The following AKAP13 variants were observed in gnomAD, a reference collection of about 807,000 sequenced individuals.
The protein encoded by AKAP13 is A-kinase anchor protein 13.
AKAP13 carries 80 observed loss-of-function variants against 264.5 expected under a neutral mutation model. The ratio of observed to expected loss-of-function variants is 0.30; its 90% confidence interval spans 0.25 to 0.36. The LOEUF (loss-of-function observed/expected upper bound fraction) is 0.36. AKAP13 is among the 10% of genes least tolerant of loss of function. AKAP13 has a pLI of 1.00. For synonymous variants in AKAP13, 1,380 were observed against 1,250.2 expected (o/e 1.10, Z -2.19); for missense variants, 3,712 against 3,435.2 (o/e 1.08, Z -2.01).
At chr15:85,603,532 C>G (rs1293633557) in intron 8 of AKAP13, among the ~76,000 whole-genome samples, 1 of 152,184 alleles carries the variant, frequency 6.6e-6, no homozygotes, top group African/African-American at 2.4e-5. Flanking sequence ...GATTCTTGCT[C>G]AAAGTAAATT....
intron 8 of AKAP13, among the ~76,000 whole-genome samples, chr15:85,607,067 CT>C (rs34949863): frequency 1.2e-3 from 163 of 141,594 alleles, no homozygotes; most frequent in Non-Finnish European, 1.1e-3. Context: ...TTCTTTTTTT[CT>C]TTTTTTTTTT....
intron 27 of AKAP13, 162 bp from the exon 28 acceptor site, chr15:85,726,897 TTAAAATC>T: frequency 1.4e-6 from 1 of 715,798 alleles, no homozygotes; most frequent in Non-Finnish European, 2.3e-6. Context: ...TCTTTTTTTG[TTAAAATC>T]TGAATGAAAT....
At chr15:85,608,163 G>A (rs2151383519) in intron 8 of AKAP13, among the ~76,000 whole-genome samples, 1 of 152,282 alleles carries the variant, frequency 6.6e-6, no homozygotes, top group Non-Finnish European at 1.5e-5. Context: ...AAAATAAGAA[G>A]TCAAGTAATT....
Position 85,741,457 on chromosome 15 carries a change from C to A in AKAP13, c.8020C>A (p.Arg2674=). 1 of 1,605,692 alleles carries A rather than the reference C, an allele frequency of 6.2e-7. No individual in the cohort carries two copies. Among genetic ancestry groups the A allele is most frequent in the Non-Finnish European group, 8.5e-7 (1 of 1,173,950 alleles). The change falls in exon 35 of 37, where the codon CGG becomes AGG. Residue 2674 remains arginine (R), a synonymous_variant. Transcript: ENST00000394518. ...GGAGCAGCTGCGCCGGGAGGCAGAG[C>A]GGCTCAGCCAGCGGCAGACAGAACG... is the stretch of plus-strand genomic sequence containing the variant. ...EQEQLRREAE[R]LSQRQTERDL... is the part of the protein sequence containing the mutation.
At chr15:85,589,278 A>T (rs181932672) in intron 8 of AKAP13, among the ~76,000 whole-genome samples, 64 of 152,294 alleles carry the variant, frequency 4.2e-4, no homozygotes, top group Non-Finnish European at 1.6e-4. Flanking sequence ...TGTGGGACAT[A>T]TGGTCTCTTA....
chr15:85,640,134 C>A (rs372395166), intron 9 of AKAP13, among the ~76,000 whole-genome samples: 2 of 152,170 alleles, frequency 1.3e-5, no homozygotes, highest in African/African-American at 2.4e-5. Flanking sequence ...AAAGTATGTT[C>A]CCTAATGTCT....
In AKAP13 at chr15:85,710,582, C is replaced by T. The variant is rs112971613; in HGVS notation, c.5536C>T (p.Pro1846Ser). 1,228 of 1,613,892 alleles carry T rather than the reference C, an allele frequency of 7.6e-4. 6 individuals carry two copies. The highest frequency in any genetic ancestry group is 4.6e-3 in the Middle Eastern group (28 of 6,060). The change falls in exon 19 of 37, where the codon CCC becomes TCC. Residue 1846 changes from proline to serine, a missense_variant. Physicochemically the swap from Pro to Ser is moderately conservative, Grantham distance 74. This residue lies in a region of AKAP13 where 2,759 missense variants were observed against 2,411.7 expected (regional missense o/e 1.14). Coordinates refer to ENST00000394518, the MANE Select transcript of AKAP13 (RefSeq NM_007200.5). ...GACTTACTTTCTTTCTCTTTAGCAGCCCAAAGGGAGCCTTCAGGCACATGA... is the reference window on the plus strand; with the variant it reads ...GACTTACTTTCTTTCTCTTTAGCAGTCCAAAGGGAGCCTTCAGGCACATGA... ...ASCAKVKMKQ[P>S]KGSLQAHDTS... is the part of the protein sequence containing the mutation.
chr15:85,660,088 C>T (rs1010985061), intron 12 of AKAP13, among the ~76,000 whole-genome samples: 1 of 152,130 alleles, frequency 6.6e-6, no homozygotes, highest in Non-Finnish European at 1.5e-5. Flanking sequence ...CACGGTGGCT[C>T]ACGCCTGTAA....
intron 8 of AKAP13, among the ~76,000 whole-genome samples, chr15:85,591,158 A>C (rs1378855564): frequency 6.6e-6 from 1 of 152,206 alleles, no homozygotes; most frequent in Non-Finnish European, 1.5e-5. Context: ...AGGATAGTTA[A>C]ATGACTTACC....
At chr15:85,495,203 A>T (rs903393913) in intron 2 of AKAP13, among the ~76,000 whole-genome samples, 1 of 152,166 alleles carries the variant, frequency 6.6e-6, no homozygotes, top group African/African-American at 2.4e-5. Flanking sequence ...AGGCCCTGGA[A>T]CAGTAAGGCT....
chr15:85,453,414 T>C (rs187665537), intron 1 of AKAP13, among the ~76,000 whole-genome samples: 1 of 152,336 alleles, frequency 6.6e-6, no homozygotes, highest in Non-Finnish European at 1.5e-5. Context: ...CAGCAGTCCC[T>C]GGTCACCTCA....
intron 2 of AKAP13, among the ~76,000 whole-genome samples, chr15:85,502,683 C>T (rs957957571): frequency 6.6e-6 from 1 of 152,036 alleles, no homozygotes. Context: ...CTTCTGATTA[C>T]TTTTGTGGTT....
chr15:85,662,499 A>G lies in AKAP13; in HGVS notation c.4800-2064A>G. The stretch of plus-strand genomic sequence containing the variant: ...CCGCCACCAAATGGGGAACCATAAA[A>G]TACGCCATCAGGGCTTTTGGCTTGG... On this transcript the variant is annotated intron_variant, in intron 12 of 36. Coordinates refer to ENST00000394518, the MANE Select transcript of AKAP13 (RefSeq NM_007200.5). The G allele has an allele frequency of 2.5e-6, 4 of 1,610,528 alleles. 1 individual carries two copies. The South Asian group carries it at 3.3e-5, about 13-fold the overall frequency.
intron 1 of AKAP13, among the ~76,000 whole-genome samples, chr15:85,479,911 AGG>A (rs1429939516): frequency 6.6e-6 from 1 of 152,144 alleles, no homozygotes; most frequent in African/African-American, 2.4e-5. Context: ...TATTGGTTCT[AGG>A]GACTTTTGGT....
intron 8 of AKAP13, among the ~76,000 whole-genome samples, chr15:85,637,788 T>G (rs900223187): frequency 1.3e-5 from 2 of 152,082 alleles, no homozygotes; most frequent in African/African-American, 2.4e-5. Context: ...TTTAGTTATA[T>G]CCACACATTT....
rs201822424 is a variant in AKAP13, at chr15:85,521,576, G to T, written c.181+1G>T. 3.2e-5 allele frequency: 52 copies of T among 1,613,650 alleles called. No homozygotes were observed. The highest frequency in any genetic ancestry group is 3.8e-5 in the Non-Finnish European group (45 of 1,179,790). ...GATACATTGGAGACCATTGCTCCTG[G>T]TAAGTATTTGAATGGGATCCTTACT... is the stretch of plus-strand genomic sequence containing the variant. On this transcript the variant is annotated splice_donor_variant, in intron 3 of 36. Coordinates refer to ENST00000394518, the MANE Select transcript of AKAP13 (RefSeq NM_007200.5). LOFTEE classifies it high-confidence loss of function.
intron 1 of AKAP13, among the ~76,000 whole-genome samples, chr15:85,381,134 C>T (rs2070219253): frequency 6.6e-6 from 1 of 152,120 alleles, no homozygotes; most frequent in African/African-American, 2.4e-5. Flanking sequence ...GGCGCTCCGC[C>T]CCCAGCGAGG....
chr15:85,555,279 C>T (rs1462849797), intron 5 of AKAP13: 1 of 207,786 alleles, frequency 4.8e-6, no homozygotes, highest in Non-Finnish European at 8.4e-6. Context: ...TAAGGTTGGA[C>T]ACTATTATGG....
rs2089379571 is a variant in AKAP13, at chr15:85,746,737, A to AC, written c.*2063dup. The AC allele has an allele frequency of 6.6e-6, 1 of 152,116 alleles. No individual in the cohort carries two copies. The highest frequency in any genetic ancestry group is 6.5e-5 in the Admixed American group (1 of 15,282). 9.4% of individuals were successfully genotyped at this position (152,116 alleles called of 1,614,324 possible). ...ATCTGTCGTGACTTTCCTGAGATCT[A>AC]CCCGGGGCTTGGCTGTCTGTTCTGG... On this transcript the variant is annotated 3_prime_UTR_variant, in exon 37 of 37. Transcript: ENST00000394518.
Sources: gnomAD v4.1 joint callset for allele counts (sites outside exome capture counted in the v4.1 genomes callset) on GRCh38, gnomAD v4.1.1 for gene constraint, gnomAD v4.1.1 regional missense constraint, MANE v1.5 for transcripts, NCBI Gene and HGNC (gene_info 2026-07-23, HGNC 2026-07-21) for gene names.